NUP155: variants seen among roughly 807,000 people sequenced by gnomAD.
NUP155 encodes the protein nucleoporin 155.
A neutral mutation model predicts 180.4 loss-of-function variants in NUP155; 71 were observed. The observed-to-expected ratio is 0.39, with a 90% CI of 0.33 to 0.48. The LOEUF is 0.48. Among genes scored for constraint, NUP155 ranks in the 20% least tolerant of loss-of-function variants. NUP155 has a pLI of 0.91. For missense variants in NUP155, 1,553 were observed against 1,648.9 expected (o/e 0.94, Z 1.01); for synonymous variants, 582 against 559.5 (o/e 1.04, Z -0.57).
chr5:37,331,340 C>T (rs748946369), intron 14 of NUP155, among the ~76,000 whole-genome samples: 1 of 152,028 alleles, frequency 6.6e-6, no homozygotes, highest in Non-Finnish European at 1.5e-5. Flanking sequence ...TTTAGGAGGC[C>T]GAGGTGGGCG....
At chr5:37,322,040 A>G (rs919246339) in intron 20 of NUP155, among the ~76,000 whole-genome samples, 19 of 151,950 alleles carry the variant, frequency 1.3e-4, no homozygotes, top group Admixed American at 1.3e-4. Flanking sequence ...TTTTTAGTAG[A>G]GACGGGTTTT....
At chr5:37,298,778 A>G in intron 32 of NUP155, 90 bp downstream of exon 32, 1 of 765,214 alleles carries the variant, frequency 1.3e-6, no homozygotes, top group Non-Finnish European at 2.3e-6. Flanking sequence ...GAAACTCTTT[A>G]TTTTACTCGA....
At position 37,318,491 on chromosome 5, in the gene NUP155, AAACT is replaced by A. The variant is rs771096450; in HGVS notation, c.2208-410_2208-407del. 5.9e-5 allele frequency among the ~76,000 whole-genome samples: 9 copies of A among 152,244 alleles called. No individual in the cohort carries two copies. In the East Asian group the frequency reaches 1.7e-3, roughly 29 times the overall value. ...GATTGAGTATCCCTAATAAAAAAAAAAACTAACATCTGAAATGTCCCCAAATCTG... is the reference window on the plus strand; with the variant it reads ...GATTGAGTATCCCTAATAAAAAAAAAAACATCTGAAATGTCCCCAAATCTG... On this transcript the variant is annotated intron_variant, in intron 20 of 34. Transcript: ENST00000231498.
chr5:37,299,346 T>A, intron 31 of NUP155, 102 bp downstream of exon 31: 1 of 1,401,448 alleles, frequency 7.1e-7, no homozygotes, highest in Non-Finnish European at 1.0e-6. Flanking sequence ...ACAATTTTCA[T>A]GAGCCACTAG....
At chr5:37,347,696 C>CAA (rs546371065) in intron 9 of NUP155, among the ~76,000 whole-genome samples, 14 of 54,904 alleles carry the variant, frequency 2.5e-4, no homozygotes, top group Non-Finnish European at 3.1e-4. Flanking sequence ...AACTCCATCT[C>CAA]AAAAAAAAAA....
chr5:37,317,653 A>G (rs1230204281), intron 21 of NUP155, among the ~76,000 whole-genome samples: 2 of 150,706 alleles, frequency 1.3e-5, no homozygotes, highest in African/African-American at 4.9e-5. Context: ...CAATATCCAT[A>G]TTAATATCCA....
intron 4 of NUP155, among the ~76,000 whole-genome samples, chr5:37,353,682 C>T (rs1746620537): frequency 6.6e-6 from 1 of 152,142 alleles, no homozygotes; most frequent in African/African-American, 2.4e-5. Context: ...ATGAGCCAGT[C>T]ACAAAATGAC....
At chr5:37,346,800 T>C (rs1746121896) in intron 9 of NUP155, among the ~76,000 whole-genome samples, 2 of 152,210 alleles carry the variant, frequency 1.3e-5, no homozygotes. Context: ...ATTTAGGAGT[T>C]AGATCTCAGG....
intron 20 of NUP155, among the ~76,000 whole-genome samples, chr5:37,319,492 G>A (rs1427052791): frequency 6.6e-6 from 1 of 152,158 alleles, no homozygotes; most frequent in Non-Finnish European, 1.5e-5. Flanking sequence ...TCTGTAAAAT[G>A]CAGTAAATAC....
chr5:37,301,276 A>C (rs1359963471), intron 30 of NUP155, 161 bp downstream of exon 30: 6 of 594,958 alleles, frequency 1.0e-5, no homozygotes, highest in African/African-American at 1.9e-5. Flanking sequence ...AGTCAGATGA[A>C]GCAGTGGTGA....
At chr5:37,303,897 G>A (rs1483444308) in intron 27 of NUP155, among the ~76,000 whole-genome samples, 2 of 151,972 alleles carry the variant, frequency 1.3e-5, no homozygotes, top group Non-Finnish European at 2.9e-5. Flanking sequence ...AGCCATTATC[G>A]TGCCATTGCA....
rs200176823 is a variant in NUP155, at chr5:37,314,318, T to C, written c.2316A>G (p.Leu772=). 3 of 1,604,270 alleles carry C rather than the reference T, an allele frequency of 1.9e-6. No individual in the cohort carries two copies. The East Asian group carries it at 6.7e-5, about 36-fold the overall frequency. The change falls in exon 22 of 35, where the codon CTA becomes CTG. Residue 772 remains leucine (L), a synonymous_variant. Transcript: ENST00000231498. ...TTGCCTGAAGTGAAATCTTTTCACT[T>C]AGTTGAGCCTCTAATGAGAAAACAA... The part of the protein sequence containing the change: ...ELQRKFHEAQ[L]SEKISLQAIQ...
intron 23 of NUP155, chr5:37,309,551 C>G (rs1375460928): frequency 6.3e-6 from 2 of 318,940 alleles, no homozygotes; most frequent in African/African-American, 4.2e-5. Context: ...CCATGTGACA[C>G]TGATTTATTT....
Position 37,324,095 on chromosome 5 carries a change from CACT to C in NUP155, c.2101_2103del (p.Ser701del). 4 of 1,610,116 alleles carry C rather than the reference CACT, an allele frequency of 2.5e-6. No individual in the cohort carries two copies. The highest frequency in any genetic ancestry group is 3.4e-6 in the Non-Finnish European group (4 of 1,176,476). Reference sequence around the variant, plus strand: ...ACTGACTCTAGCAGTTGGCAGGGAACACTACTTTCAATCTGTAAAAATGAAAGA... The same window carrying C: ...ACTGACTCTAGCAGTTGGCAGGGAACACTTTCAATCTGTAAAAATGAAAGA... On this transcript the variant is annotated inframe_deletion, in exon 20 of 35. Coordinates refer to ENST00000231498, the MANE Select transcript of NUP155 (RefSeq NM_153485.3).
chr5:37,347,786 A>G (rs1207050783), intron 9 of NUP155, among the ~76,000 whole-genome samples: 1 of 151,844 alleles, frequency 6.6e-6, no homozygotes. Context: ...AGATTACCTG[A>G]GGTCAGGAGT....
intron 1 of NUP155, among the ~76,000 whole-genome samples, chr5:37,367,678 G>A (rs1426307886): frequency 6.7e-6 from 1 of 149,218 alleles, no homozygotes; most frequent in Non-Finnish European, 1.5e-5. Context: ...GACTATAGGC[G>A]CCCGCCACCA....
chr5:37,310,770 A>G (rs896654436), intron 22 of NUP155, 27 bp from the exon 23 acceptor site: 1 of 1,500,506 alleles, frequency 6.7e-7, no homozygotes, highest in Non-Finnish European at 9.3e-7. Flanking sequence ...TTTCTATCAC[A>G]ATTATAGAAA....
In NUP155 at chr5:37,337,844, A is replaced by G; in HGVS notation, c.1321T>C (p.Phe441Leu). Residue 441 changes from phenylalanine to leucine, a missense_variant, in exon 12 of 35, where the codon TTC becomes CTC. Transcript: ENST00000231498. ...TGGGTTTCCATCATTGGCTTTTGGA[A>G]AGGAAAAGTATCATGGTTGACACAC... ...LWCVNHDTFP[F>L]QKPMMETQMT... is the part of the protein sequence containing the mutation. The G allele has an allele frequency of 1.2e-6, 2 of 1,611,706 alleles. No individual in the cohort carries two copies. Among genetic ancestry groups the G allele is most frequent in the African/African-American group, 1.3e-5 (1 of 74,996 alleles).
chr5:37,362,564 A>G (rs528168058), intron 3 of NUP155, among the ~76,000 whole-genome samples: 2 of 152,326 alleles, frequency 1.3e-5, no homozygotes, highest in South Asian at 4.1e-4. Context: ...CTGGGATTAC[A>G]GGCATGAGCC....
Sources: gnomAD v4.1 joint callset for allele counts (sites outside exome capture counted in the v4.1 genomes callset) on GRCh38, gnomAD v4.1.1 for gene constraint, MANE v1.5 for transcripts, NCBI Gene and HGNC (gene_info 2026-07-23, HGNC 2026-07-21) for gene names.